The following C12orf42 variants were observed in gnomAD, a reference collection of about 807,000 sequenced individuals.
The protein encoded by C12orf42 is chromosome 12 open reading frame 42, also known as uncharacterized protein C12orf42.
A neutral mutation model predicts 21.6 loss-of-function variants in C12orf42; 25 were observed. The ratio of observed to expected loss-of-function variants is 1.16; its 90% confidence interval spans 0.84 to 1.62. C12orf42 has a LOEUF of 1.62. Ranked by LOEUF, C12orf42 falls within the 40% of genes most tolerant of loss-of-function variation. The pLI, the probability that C12orf42 is intolerant of heterozygous loss-of-function variation, is 0.00. For missense variants in C12orf42, 483 were observed against 459.3 expected (o/e 1.05, Z -0.47); for synonymous variants, 174 against 175.0 (o/e 0.99, Z 0.05).
chr12:103,056,484 T>C, the C12orf42 span, among the ~76,000 whole-genome samples: 5 of 152,196 alleles, frequency 3.3e-5, no homozygotes, highest in Non-Finnish European at 7.4e-5. Flanking sequence ...GGTTTATGTC[T>C]TGTGACAAAT....
intron 3 of C12orf42, among the ~76,000 whole-genome samples, chr12:103,378,246 G>A (rs1410403701): frequency 6.6e-6 from 1 of 152,108 alleles, no homozygotes; most frequent in Non-Finnish European, 1.5e-5. Flanking sequence ...AATAAGTATG[G>A]CCAGTCTACC....
chr12:103,097,365 G>C, the C12orf42 span, among the ~76,000 whole-genome samples: 1 of 152,234 alleles, frequency 6.6e-6, no homozygotes, highest in African/African-American at 2.4e-5. Context: ...GTAGACAAAG[G>C]CTTTAGCATT....
intron 3 of C12orf42, among the ~76,000 whole-genome samples, chr12:103,380,209 A>G (rs2046047315): frequency 6.6e-6 from 1 of 152,234 alleles, no homozygotes; most frequent in Admixed American, 6.5e-5. Context: ...TATGCTGGCA[A>G]GGTTTTTGGC....
chr12:103,291,063 AGAT>A (rs1170090337), intron 4 of C12orf42, among the ~76,000 whole-genome samples: 1 of 152,232 alleles, frequency 6.6e-6, no homozygotes, highest in Non-Finnish European at 1.5e-5. Context: ...GTATTTAGTC[AGAT>A]GATTGGTAAA....
At chr12:103,471,889 T>C (rs1395708432) in intron 2 of C12orf42, 4 of 152,186 alleles carry the variant, frequency 2.6e-5, no homozygotes, top group Admixed American at 2.6e-4. Context: ...TATAACCTGC[T>C]GCAAATTGAT....
At chr12:103,094,549 A>T in the C12orf42 span, among the ~76,000 whole-genome samples, 1 of 152,178 alleles carries the variant, frequency 6.6e-6, no homozygotes, top group East Asian at 1.9e-4. Context: ...GCTGGGAGTC[A>T]TCTCTTCCTC....
chr12:103,491,263 TATA>T, intron 1 of C12orf42, among the ~76,000 whole-genome samples: 1 of 152,344 alleles, frequency 6.6e-6, no homozygotes, highest in East Asian at 1.9e-4. Flanking sequence ...TTCCCATCAA[TATA>T]ATAATATTTG....
chr12:103,282,455 G>A (rs910289408), intron 4 of C12orf42, among the ~76,000 whole-genome samples: 1 of 152,252 alleles, frequency 6.6e-6, no homozygotes, highest in Admixed American at 6.5e-5. Flanking sequence ...CCGTTGTGTT[G>A]TAATTGCCTA....
At chr12:103,494,881 G>C (rs1955416637) in intron 1 of C12orf42, among the ~76,000 whole-genome samples, 1 of 152,168 alleles carries the variant, frequency 6.6e-6, no homozygotes, top group African/African-American at 2.4e-5. Flanking sequence ...AGGGTTTCCC[G>C]GGAGGGGGCA....
chr12:103,207,742 T>C, the C12orf42 span, among the ~76,000 whole-genome samples: 1 of 152,328 alleles, frequency 6.6e-6, no homozygotes, highest in South Asian at 2.1e-4. Flanking sequence ...GATTTTCATC[T>C]GGGCCTATCA....
chr12:103,364,759 C>T lies in C12orf42; in HGVS notation c.259+4128G>A, dbSNP rs191765083. Among the ~76,000 whole-genome samples the T allele has an allele frequency of 3.3e-3, 499 of 151,994 alleles. 3 individuals carry two copies. The highest frequency in any genetic ancestry group is 0.011 in the African/African-American group (474 of 41,530). On this transcript the variant is annotated intron_variant, in intron 4 of 5. Transcript: ENST00000548883. ...GGAGATGGATACATTCCTAGAAATA[C>T]ACAACCCTCCTAGCTTAAATCAGGA...
Position 103,401,596 on chromosome 12 carries a change from C to T in C12orf42, c.147+11G>A, listed in dbSNP as rs775757040. ...TGGAGCAGCCCTGCACATAACATTCCGCTGACTCACCTTTGCACTGGGTGT... is the reference window on the plus strand; with the variant it reads ...TGGAGCAGCCCTGCACATAACATTCTGCTGACTCACCTTTGCACTGGGTGT... On this transcript the variant is annotated intron_variant, in intron 3 of 5. Coordinates refer to ENST00000548883, the MANE Select transcript of C12orf42 (RefSeq NM_198521.5). The T allele has an allele frequency of 4.8e-5, 77 of 1,613,064 alleles. No individual in the cohort carries two copies. Among genetic ancestry groups the T allele is most frequent in the East Asian group, 1.8e-4 (8 of 44,894 alleles).
intron 2 of C12orf42, among the ~76,000 whole-genome samples, chr12:103,459,436 C>A (rs780436907): frequency 1.3e-5 from 2 of 152,038 alleles, no homozygotes; most frequent in Admixed American, 6.6e-5. Context: ...CACCGGAGAC[C>A]TGGTTGTTTT....
intron 2 of C12orf42, among the ~76,000 whole-genome samples, chr12:103,429,352 G>C (rs949160438): frequency 1.3e-5 from 2 of 152,272 alleles, no homozygotes; most frequent in African/African-American, 4.8e-5. Flanking sequence ...CAAATCATGA[G>C]TGAACTCCCA....
intron 3 of C12orf42, among the ~76,000 whole-genome samples, chr12:103,398,355 C>T (rs2047704982): frequency 6.6e-6 from 1 of 152,082 alleles, no homozygotes; most frequent in Non-Finnish European, 1.5e-5. Flanking sequence ...GCTCATTTTT[C>T]TACCCAGTTA....
chr12:103,242,038 G>A (rs892566105), intron 10 of C12orf42, among the ~76,000 whole-genome samples: 4 of 152,292 alleles, frequency 2.6e-5, no homozygotes, highest in Admixed American at 6.5e-5. Flanking sequence ...TAAAGTGACA[G>A]CTTTGAGAGG....
At chr12:103,402,241 A>G (rs1351936807) in intron 2 of C12orf42, among the ~76,000 whole-genome samples, 9 of 152,236 alleles carry the variant, frequency 5.9e-5, no homozygotes, top group Non-Finnish European at 1.2e-4. Flanking sequence ...CAATAGGTAT[A>G]CTCAGGGAGG....
the C12orf42 span, among the ~76,000 whole-genome samples, chr12:103,532,980 C>T: frequency 6.6e-6 from 1 of 152,182 alleles, no homozygotes; most frequent in Admixed American, 6.5e-5. Context: ...ATGACTGGAA[C>T]CAATGCCAAT....
At chr12:103,192,674 A>T in the C12orf42 span, among the ~76,000 whole-genome samples, 1 of 152,216 alleles carries the variant, frequency 6.6e-6, no homozygotes, top group East Asian at 1.9e-4. Flanking sequence ...AATGATAAAA[A>T]GGTCAATTCT....
Sources: allele counts gnomAD v4.1 joint callset (sites outside exome capture counted in the v4.1 genomes callset), GRCh38; gene constraint gnomAD v4.1.1; transcripts MANE v1.5; gene names NCBI Gene and HGNC (gene_info 2026-07-23, HGNC 2026-07-21).